Variants in OR2L13 observed in about 807,000 individuals in gnomAD.
OR2L13 encodes the protein olfactory receptor family 2 subfamily L member 13, also known as olfactory receptor 2L13.
Under a neutral mutation model 15.3 loss-of-function variants are expected in OR2L13, and 14 were observed. The observed-to-expected ratio is 0.91, with a 90% confidence interval of 0.60 to 1.43. OR2L13 has a LOEUF of 1.43. Among genes scored for constraint, OR2L13 ranks in the 40% most tolerant of loss-of-function variants. OR2L13 has a pLI of 0.00. For missense variants in OR2L13, 367 were observed against 387.9 expected, an observed-to-expected ratio of 0.95 and a Z score of 0.45; for synonymous variants, 152 against 142.9, an observed-to-expected ratio of 1.06 and a Z score of -0.45.
the OR2L13 span, chr1:247,965,322 A>G: frequency 1.3e-6 from 2 of 1,530,502 alleles, no homozygotes; most frequent in South Asian, 1.3e-5. Flanking sequence ...AGGGAAGTCA[A>G]CATTATTACA....
At chr1:248,002,448 T>C in the OR2L13 span, among the ~76,000 whole-genome samples, 1 of 130,772 alleles carries the variant, frequency 7.6e-6, no homozygotes, top group Non-Finnish European at 1.6e-5. Flanking sequence ...CAGTGGGTAC[T>C]TCATGTAAGT....
chr1:248,048,222 C>T, the OR2L13 span, among the ~76,000 whole-genome samples: 1 of 152,210 alleles, frequency 6.6e-6, no homozygotes, highest in African/African-American at 2.4e-5. Context: ...TGGAAGCACA[C>T]ATACACACAT....
At chr1:247,986,275 A>C in the OR2L13 span, among the ~76,000 whole-genome samples, 5 of 152,054 alleles carry the variant, frequency 3.3e-5, no homozygotes, top group Non-Finnish European at 7.4e-5. Context: ...ATCCATCTTG[A>C]ATTAATTTTT....
chr1:248,011,341 C>T, the OR2L13 span, among the ~76,000 whole-genome samples: 1 of 152,068 alleles, frequency 6.6e-6, no homozygotes, highest in African/African-American at 2.4e-5. Flanking sequence ...ATGGTCTTCC[C>T]TTTGTGGGTA....
At chr1:247,944,158 G>T in the OR2L13 span, among the ~76,000 whole-genome samples, 23 of 151,928 alleles carry the variant, frequency 1.5e-4, no homozygotes, top group African/African-American at 5.3e-4. Flanking sequence ...AAGATTTTTT[G>T]AATATTGAGG....
At chr1:248,095,515 C>G (rs1199524987), upstream of OR2L13, among the ~76,000 whole-genome samples, 2 of 151,316 alleles carry the variant, frequency 1.3e-5, no homozygotes, top group African/African-American at 2.4e-5. Flanking sequence ...TATTGATAGC[C>G]TGATATACTA....
chr1:247,997,098 A>G, the OR2L13 span: 1 of 152,204 alleles, frequency 6.6e-6, no homozygotes, highest in Non-Finnish European at 1.5e-5. Context: ...TAGCCTATGC[A>G]TATCAAAATA....
chr1:247,950,228 T>G, the OR2L13 span, among the ~76,000 whole-genome samples: 1 of 152,216 alleles, frequency 6.6e-6, no homozygotes, highest in Non-Finnish European at 1.5e-5. Context: ...TGTTTTCTGT[T>G]TCTTATCTTA....
the OR2L13 span, among the ~76,000 whole-genome samples, chr1:247,986,787 T>C: frequency 6.6e-6 from 1 of 152,210 alleles, no homozygotes; most frequent in Admixed American, 6.5e-5. Flanking sequence ...TTTCATTTCA[T>C]TGAGCAGTGG....
chr1:248,071,419 T>G, the OR2L13 span, among the ~76,000 whole-genome samples: 45 of 152,260 alleles, frequency 3.0e-4, no homozygotes, highest in African/African-American at 8.2e-4. Context: ...TTTGACAAAA[T>G]TCAACAACTC....
At chr1:248,011,422 G>A in the OR2L13 span, among the ~76,000 whole-genome samples, 2 of 152,166 alleles carry the variant, frequency 1.3e-5, no homozygotes, top group South Asian at 2.1e-4. Flanking sequence ...TGACAATTAT[G>A]TGTTGTAGGG....
chr1:248,072,208 C>T, the OR2L13 span, among the ~76,000 whole-genome samples: 9 of 152,234 alleles, frequency 5.9e-5, no homozygotes, highest in East Asian at 1.9e-4. Context: ...AGAGGCATCA[C>T]GCTACCTGAC....
chr1:247,974,787 A>C, the OR2L13 span: 2 of 233,466 alleles, frequency 8.6e-6, no homozygotes, highest in African/African-American at 4.6e-5. Flanking sequence ...CTTATTGGGG[A>C]TCTTCCCACC....
At chr1:248,004,574 A>C in the OR2L13 span, among the ~76,000 whole-genome samples, 1 of 152,216 alleles carries the variant, frequency 6.6e-6, no homozygotes, top group African/African-American at 2.4e-5. Context: ...ACAATTTAGC[A>C]GAGAGCTCGT....
the OR2L13 span, among the ~76,000 whole-genome samples, chr1:247,987,201 T>C: frequency 2.0e-5 from 3 of 152,218 alleles, no homozygotes; most frequent in African/African-American, 7.2e-5. Context: ...TAGAAGTCAA[T>C]AGCTTTTGAC....
the OR2L13 span, among the ~76,000 whole-genome samples, chr1:248,053,291 T>C: frequency 1.3e-5 from 2 of 152,216 alleles, no homozygotes; most frequent in Non-Finnish European, 2.9e-5. Flanking sequence ...ATCTTATTAT[T>C]TTTTATGGCT....
At chr1:248,006,592 G>A in the OR2L13 span, among the ~76,000 whole-genome samples, 38 of 152,168 alleles carry the variant, frequency 2.5e-4, no homozygotes, top group African/African-American at 7.5e-4. Context: ...GTGGGAATGC[G>A]TGATGGTCTG....
At chr1:248,080,743 A>C in the OR2L13 span, among the ~76,000 whole-genome samples, 1 of 152,212 alleles carries the variant, frequency 6.6e-6, no homozygotes, top group African/African-American at 2.4e-5. Flanking sequence ...ATACGTGTGC[A>C]TGTGTCTTTA....
intron 1 of OR2L13, among the ~76,000 whole-genome samples, chr1:248,098,227 C>T (rs903375641): frequency 1.3e-5 from 2 of 152,148 alleles, no homozygotes; most frequent in Non-Finnish European, 1.5e-5. Flanking sequence ...ATAATTATCT[C>T]AATTTTAATT....
Sources: allele counts gnomAD v4.1 joint callset (sites outside exome capture counted in the v4.1 genomes callset), GRCh38; gene constraint gnomAD v4.1.1; transcripts MANE v1.5; gene names NCBI Gene and HGNC (gene_info 2026-07-23, HGNC 2026-07-21).